The following DACH2 variants were observed in gnomAD, a reference collection of about 807,000 sequenced individuals.
DACH2 encodes the protein dachshund family transcription factor 2.
In DACH2, 17 loss-of-function variants were observed where a neutral mutation model predicts 35.8. The ratio of observed to expected loss-of-function variants is 0.48; its 90% CI spans 0.33 to 0.71. The LOEUF (loss-of-function observed/expected upper bound fraction) is 0.71. DACH2 is among the 30% of genes least tolerant of loss of function. The probability of loss-of-function intolerance (pLI) is 0.02; values close to 1 mark genes in which losing one functional copy is unlikely to be tolerated. For missense variants in DACH2, 469 were observed against 472.7 expected, an observed-to-expected ratio of 0.99 and a Z score of 0.07; for synonymous variants, 195 against 177.3, an observed-to-expected ratio of 1.10 and a Z score of -0.79.
intron 11 of DACH2, among the ~76,000 whole-genome samples, chrX:86,818,290 T>A (rs773256854): frequency 4.4e-4 from 49 of 111,405 alleles, no homozygotes; most frequent in African/African-American, 1.5e-3. Context: ...ATCAAAAAAA[T>A]TTAGCAATAA....
intron 1 of DACH2, among the ~76,000 whole-genome samples, chrX:86,301,597 C>G (rs2034577000): frequency 9.0e-6 from 1 of 111,354 alleles, no homozygotes; most frequent in African/African-American, 3.3e-5. Flanking sequence ...AACTACCTCC[C>G]CTGAGGTCAG....
chrX:86,204,562 G>A (rs1176767214), intron 1 of DACH2, among the ~76,000 whole-genome samples: 1 of 111,619 alleles, frequency 9.0e-6, no homozygotes, highest in Non-Finnish European at 1.9e-5. Context: ...ACCTTTGTGA[G>A]CTGGCCTAGG....
intron 1 of DACH2, among the ~76,000 whole-genome samples, chrX:86,200,514 T>G (rs2032122197): frequency 9.1e-6 from 1 of 109,426 alleles, no homozygotes; most frequent in Non-Finnish European, 1.9e-5. Flanking sequence ...GGAGAAAATT[T>G]TTGCAAACAA....
At chrX:86,687,421 G>T (rs2040958422) in intron 4 of DACH2, among the ~76,000 whole-genome samples, 1 of 111,745 alleles carries the variant, frequency 8.9e-6, no homozygotes, top group Admixed American at 9.6e-5. Context: ...TGGAAAAATA[G>T]AAATGTTTTT....
At chrX:86,287,020 C>G (rs1423302132) in intron 1 of DACH2, among the ~76,000 whole-genome samples, 10 of 110,860 alleles carry the variant, frequency 9.0e-5, no homozygotes, top group Non-Finnish European at 1.1e-4. Context: ...TTTTTTGTTT[C>G]TCATTGAAAG....
intron 3 of DACH2, among the ~76,000 whole-genome samples, chrX:86,530,264 G>T (rs2038699109): frequency 8.9e-6 from 1 of 111,741 alleles, no homozygotes; most frequent in African/African-American, 3.3e-5. Flanking sequence ...CTGAAAGGGA[G>T]AGGGAAATAT....
At chrX:86,187,763 A>G (rs2031725420) in intron 1 of DACH2, among the ~76,000 whole-genome samples, 1 of 110,913 alleles carries the variant, frequency 9.0e-6, no homozygotes, top group Non-Finnish European at 1.9e-5. Context: ...CTTCTACAAA[A>G]CTTTTCCTCC....
At chrX:86,160,794 G>T in intron 1 of DACH2, 1 of 473,199 alleles carries the variant, frequency 2.1e-6, no homozygotes, top group East Asian at 3.5e-5. Context: ...CTTTATTTCA[G>T]TTGTAACATC....
intron 3 of DACH2, among the ~76,000 whole-genome samples, chrX:86,573,882 G>T (rs1459744754): frequency 9.0e-6 from 1 of 111,253 alleles, no homozygotes; most frequent in East Asian, 2.8e-4. Context: ...TACAATATGT[G>T]CATGCTTTAA....
intron 2 of DACH2, among the ~76,000 whole-genome samples, chrX:86,479,520 CT>C (rs2037904097): frequency 8.9e-6 from 1 of 111,740 alleles, no homozygotes; most frequent in Non-Finnish European, 1.9e-5. Flanking sequence ...ATATCTTTCT[CT>C]TGGTTTGGGA....
At chrX:86,262,267 A>G (rs5968844) in intron 1 of DACH2, among the ~76,000 whole-genome samples, 42,668 of 110,254 alleles carry the variant, frequency 0.39, 7,581 homozygotes, top group African/African-American at 0.69. Context: ...CAGCCTGGGC[A>G]ATAGAGGGAG....
At chrX:86,279,548 C>T (rs1243954750) in intron 1 of DACH2, among the ~76,000 whole-genome samples, 3 of 111,052 alleles carry the variant, frequency 2.7e-5, no homozygotes, top group African/African-American at 9.8e-5. Context: ...TAGATAAATC[C>T]ACAAAGATGA....
intron 1 of DACH2, among the ~76,000 whole-genome samples, chrX:86,233,399 G>A (rs749243611): frequency 7.1e-5 from 8 of 112,024 alleles, no homozygotes; most frequent in African/African-American, 2.6e-4. Flanking sequence ...CAATTCATTT[G>A]CCTAGTTATT....
At chrX:86,317,873 G>A (rs1271795141) in intron 1 of DACH2, among the ~76,000 whole-genome samples, 1 of 111,164 alleles carries the variant, frequency 9.0e-6, no homozygotes, top group Non-Finnish European at 1.9e-5. Flanking sequence ...TGCAGGTTAG[G>A]AACCCTGTCT....
chrX:86,427,271 G>A (rs1487226641), intron 2 of DACH2, among the ~76,000 whole-genome samples: 1 of 111,150 alleles, frequency 9.0e-6, no homozygotes, highest in Non-Finnish European at 1.9e-5. Context: ...TTGAGAGATG[G>A]GGTTTTTAGA....
intron 1 of DACH2, among the ~76,000 whole-genome samples, chrX:86,287,075 G>A (rs778312740): frequency 3.6e-5 from 4 of 111,362 alleles, no homozygotes; most frequent in East Asian, 2.8e-4. Flanking sequence ...GTCTGGTGTT[G>A]ATGATATCCC....
intron 1 of DACH2, among the ~76,000 whole-genome samples, chrX:86,192,441 A>G (rs1048001046): frequency 2.7e-5 from 3 of 111,891 alleles, no homozygotes; most frequent in Non-Finnish European, 5.6e-5. Flanking sequence ...TATTCAATCT[A>G]TTTGCAATTA....
At chrX:86,697,079 C>T (rs1431064757) in intron 5 of DACH2, among the ~76,000 whole-genome samples, 2 of 111,555 alleles carry the variant, frequency 1.8e-5, no homozygotes, top group Non-Finnish European at 1.9e-5. Context: ...CTTAAGCCTC[C>T]TGTCTCACCT....
intron 1 of DACH2, among the ~76,000 whole-genome samples, chrX:86,190,381 C>T (rs910016341): frequency 9.9e-5 from 11 of 111,067 alleles, no homozygotes; most frequent in Non-Finnish European, 1.9e-5. Context: ...TTTCACTACT[C>T]ATTTCTCTCT....
Sources: gnomAD v4.1 joint callset for allele counts (sites outside exome capture counted in the v4.1 genomes callset) on GRCh38, gnomAD v4.1.1 for gene constraint, MANE v1.5 for transcripts, NCBI Gene and HGNC (gene_info 2026-07-23, HGNC 2026-07-21) for gene names.